Variants in LRP1B observed in about 807,000 individuals in gnomAD.
The protein encoded by LRP1B is LDL receptor related protein 1B, also known as low-density lipoprotein receptor-related protein 1B.
A neutral mutation model predicts 556.6 loss-of-function variants in LRP1B; 217 were observed. That is an observed-to-expected ratio of 0.39 (90% confidence interval 0.35 to 0.44). The LOEUF is 0.44. Ranked by LOEUF, LRP1B falls within the 20% of genes least tolerant of loss-of-function variation. LRP1B has a pLI of 1.00. For synonymous variants in LRP1B, 2,047 were observed against 1,865.8 expected, an observed-to-expected ratio of 1.10 and a Z score of -2.50; for missense variants, 5,053 against 5,620.8, an observed-to-expected ratio of 0.90 and a Z score of 3.23.
At chr2:141,940,704 T>C (rs1176594389) in intron 1 of LRP1B, among the ~76,000 whole-genome samples, 1 of 152,196 alleles carries the variant, frequency 6.6e-6, no homozygotes, top group Non-Finnish European at 1.5e-5. Context: ...TGTATGCAGA[T>C]TCAGTTCATC....
At chr2:140,911,455 T>A (rs562428041) in intron 21 of LRP1B, among the ~76,000 whole-genome samples, 3 of 151,838 alleles carry the variant, frequency 2.0e-5, no homozygotes, top group South Asian at 2.1e-4. Flanking sequence ...TAGCTTATTT[T>A]AAAAAAATGA....
At chr2:140,877,676 A>G (rs1693351677) in intron 25 of LRP1B, among the ~76,000 whole-genome samples, 1 of 152,000 alleles carries the variant, frequency 6.6e-6, no homozygotes, top group African/African-American at 2.4e-5. Flanking sequence ...GCAGGCAACC[A>G]TTTGTGTCTT....
chr2:140,373,012 C>T lies in LRP1B; in HGVS notation c.10764G>A (p.Glu3588=), dbSNP rs2105171130. ...CKYGEDEKSC[E]PASPTCSSRE... ...ATATTACTTCAATCCTTTTACCTGGCTCACAGCTTTTCTCATCTTCCCCAT... is the reference window on the plus strand; with the variant it reads ...ATATTACTTCAATCCTTTTACCTGGTTCACAGCTTTTCTCATCTTCCCCAT... The change falls in exon 69 of 91, where the codon GAG becomes GAA. Residue 3588 remains glutamate, a synonymous_variant. Coordinates refer to ENST00000389484, the MANE Select transcript of LRP1B (RefSeq NM_018557.3). The T allele has an allele frequency of 6.2e-7, 1 of 1,613,092 alleles. No homozygotes were observed.
At chr2:140,246,804 T>C (rs1446403938) in intron 87 of LRP1B, among the ~76,000 whole-genome samples, 1 of 151,482 alleles carries the variant, frequency 6.6e-6, no homozygotes, top group Non-Finnish European at 1.5e-5. Context: ...TTTCAGCTGA[T>C]GAATATTTCC....
chr2:140,969,507 C>T (rs1164472536), intron 18 of LRP1B, among the ~76,000 whole-genome samples: 3 of 152,076 alleles, frequency 2.0e-5, no homozygotes, highest in Non-Finnish European at 4.4e-5. Flanking sequence ...TTAATTGGAG[C>T]ATTTAGCCCA....
intron 79 of LRP1B, among the ~76,000 whole-genome samples, chr2:140,334,015 CA>C (rs1399772850): frequency 4.3e-4 from 64 of 147,882 alleles, no homozygotes; most frequent in African/African-American, 1.5e-3. Context: ...CAAAACAAAA[CA>C]AAACAAAAAA....
rs1211748057 is a variant in LRP1B at position 140,905,378 on chromosome 2, G to A, written c.3521-2213C>T. On this transcript the variant is annotated intron_variant, in intron 22 of 90. Transcript: ENST00000389484. Reference sequence around the variant, plus strand: ...AACGCTCATGATGATAGGCAGATAGGCCCTGAACCTCCTCTTAGAGTAGTT... The same window carrying A: ...AACGCTCATGATGATAGGCAGATAGACCCTGAACCTCCTCTTAGAGTAGTT... 2.0e-5 allele frequency among the ~76,000 whole-genome samples: 3 copies of A among 152,074 alleles called. 1 individual carries two copies. In the East Asian group the frequency reaches 5.8e-4, roughly 29 times the overall value.
chr2:140,715,526 C>CA (rs1162168770), intron 37 of LRP1B, among the ~76,000 whole-genome samples: 1 of 150,850 alleles, frequency 6.6e-6, no homozygotes, highest in Non-Finnish European at 1.5e-5. Flanking sequence ...CAAAACAAAA[C>CA]AAAAAAAGAA....
chr2:140,242,213 T>TACC, intron 87 of LRP1B, among the ~76,000 whole-genome samples: 1 of 151,260 alleles, frequency 6.6e-6, no homozygotes, highest in East Asian at 2.0e-4. Context: ...AATATGGGTA[T>TACC]CATCATTAAT....
chr2:141,515,306 A>G (rs1684273366), intron 2 of LRP1B, among the ~76,000 whole-genome samples: 1 of 132,376 alleles, frequency 7.6e-6, no homozygotes, highest in Admixed American at 7.7e-5. Flanking sequence ...CCGTCAAAAG[A>G]AAAAAAAAAA....
rs143692809 is a variant in LRP1B at position 140,259,831 on chromosome 2, A to AT, written c.13247+10410_13247+10411insA. On this transcript the variant is annotated intron_variant, in intron 86 of 90. Transcript: ENST00000389484. ...ATTTCATAAAAATGTTTCATGTCCA[A>AT]AGGCCATACACAGAGGGAGAGGTCA... is the stretch of plus-strand genomic sequence containing the variant. 9.8e-3 allele frequency among the ~76,000 whole-genome samples: 1,491 copies of AT among 152,072 alleles called. 61 individuals carry two copies. The East Asian group carries it at 0.13, about 14-fold the overall frequency.
chr2:140,990,193 T>C (rs1325330774), intron 16 of LRP1B, among the ~76,000 whole-genome samples: 1 of 121,606 alleles, frequency 8.2e-6, no homozygotes, highest in South Asian at 2.8e-4. Context: ...CGAAACTCCA[T>C]CTCAAAAAAA....
intron 86 of LRP1B, among the ~76,000 whole-genome samples, chr2:140,258,617 CA>C (rs1442510574): frequency 2.0e-5 from 3 of 152,048 alleles, no homozygotes; most frequent in Non-Finnish European, 4.4e-5. Flanking sequence ...TTAAAATTTT[CA>C]TTTTCTGGGT....
At chr2:141,634,198 G>T (rs1172933411) in intron 2 of LRP1B, among the ~76,000 whole-genome samples, 1 of 151,778 alleles carries the variant, frequency 6.6e-6, no homozygotes, top group Non-Finnish European at 1.5e-5. Flanking sequence ...ATCAAAAAAG[G>T]CTCATCTTAA....
intron 1 of LRP1B, among the ~76,000 whole-genome samples, chr2:141,976,517 G>T (rs1701891451): frequency 6.6e-6 from 1 of 152,066 alleles, no homozygotes; most frequent in Non-Finnish European, 1.5e-5. Flanking sequence ...GGGGGTCACA[G>T]CCCTATGAAT....
At chr2:141,271,647 A>G (rs1448071009) in intron 3 of LRP1B, among the ~76,000 whole-genome samples, 1 of 151,894 alleles carries the variant, frequency 6.6e-6, no homozygotes, top group Non-Finnish European at 1.5e-5. Context: ...AGCTCTCTTT[A>G]CAAAATTAGA....
chr2:140,876,027 A>G (rs905807792), intron 25 of LRP1B, among the ~76,000 whole-genome samples: 2 of 152,128 alleles, frequency 1.3e-5, no homozygotes, highest in Non-Finnish European at 2.9e-5. Flanking sequence ...ATAATCAGCT[A>G]TAAAACTCTA....
chr2:140,911,752 T>G (rs1305184928), intron 21 of LRP1B, among the ~76,000 whole-genome samples: 1 of 151,838 alleles, frequency 6.6e-6, no homozygotes, highest in Non-Finnish European at 1.5e-5. Flanking sequence ...ATTTTTAGTT[T>G]GGTTTATCAA....
chr2:141,030,051 T>C (rs557512402), intron 11 of LRP1B, among the ~76,000 whole-genome samples: 1 of 152,310 alleles, frequency 6.6e-6, no homozygotes, highest in East Asian at 1.9e-4. Flanking sequence ...ATGATATTTC[T>C]CAGACTCTTT....
Sources: allele counts gnomAD v4.1 joint callset (sites outside exome capture counted in the v4.1 genomes callset), GRCh38; gene constraint gnomAD v4.1.1; transcripts MANE v1.5; gene names NCBI Gene and HGNC (gene_info 2026-07-23, HGNC 2026-07-21).